CHD9: variants seen among roughly 807,000 people sequenced by gnomAD.
The protein encoded by CHD9 is chromodomain helicase DNA binding protein 9, also known as ATP-dependent chromatin remodeler CHD9.
A neutral mutation model predicts 316.1 loss-of-function variants in CHD9; 77 were observed. The observed-to-expected ratio is 0.24, with a 90% CI of 0.20 to 0.29. CHD9 has a LOEUF of 0.29. CHD9 is among the 10% of genes least tolerant of loss of function. CHD9 has a pLI of 1.00. For synonymous variants in CHD9, 1,129 were observed against 1,158.3 expected (o/e 0.97, Z 0.51); for missense variants, 2,763 against 3,438.1 (o/e 0.80, Z 4.91).
intron 29 of CHD9, among the ~76,000 whole-genome samples, chr16:53,294,386 G>A (rs1008101948): frequency 1.3e-5 from 2 of 152,134 alleles, no homozygotes; most frequent in East Asian, 1.9e-4. Context: ...CTCTGTAAAT[G>A]AACTGTTTTT....
chr16:53,109,805 C>T (rs971415863), intron 1 of CHD9, among the ~76,000 whole-genome samples: 17 of 150,964 alleles, frequency 1.1e-4, no homozygotes, highest in Non-Finnish European at 2.1e-4. Context: ...CTGCCTCAGC[C>T]TCCCGAGTAG....
At chr16:53,129,976 T>C (rs1304592113) in intron 1 of CHD9, among the ~76,000 whole-genome samples, 4 of 152,124 alleles carry the variant, frequency 2.6e-5, no homozygotes, top group Non-Finnish European at 4.4e-5. Flanking sequence ...ACCCAGGTTT[T>C]CCAGTACGCC....
intron 2 of CHD9, among the ~76,000 whole-genome samples, chr16:53,196,573 T>A (rs2044945691): frequency 6.6e-6 from 1 of 152,202 alleles, no homozygotes; most frequent in Non-Finnish European, 1.5e-5. Flanking sequence ...ACCTCATTTT[T>A]AAAAGCAGAA....
chr16:53,145,654 C>T (rs558472033), intron 1 of CHD9, among the ~76,000 whole-genome samples: 67 of 151,540 alleles, frequency 4.4e-4, no homozygotes, highest in African/African-American at 1.6e-3. Context: ...TGCAGTGAGC[C>T]GAGATTGCAC....
intron 2 of CHD9, among the ~76,000 whole-genome samples, chr16:53,170,266 T>TA (rs1237311003): frequency 6.6e-6 from 1 of 152,108 alleles, no homozygotes; most frequent in Non-Finnish European, 1.5e-5. Context: ...ATCAGTGTGT[T>TA]AAAAATCATT....
At chr16:53,228,297 A>G (rs2047830785) in intron 7 of CHD9, among the ~76,000 whole-genome samples, 1 of 152,166 alleles carries the variant, frequency 6.6e-6, no homozygotes, top group Admixed American at 6.5e-5. Flanking sequence ...TCTTAAGCCT[A>G]GGAGTCTGAA....
chr16:53,153,373 A>G (rs1651972873), intron 1 of CHD9, among the ~76,000 whole-genome samples: 1 of 152,214 alleles, frequency 6.6e-6, no homozygotes, highest in South Asian at 2.1e-4. Flanking sequence ...AGAAGAAAGA[A>G]TTACTGGGGC....
rs1460176615 is a variant in CHD9 at position 53,315,013 on chromosome 16, G to A, written c.7553G>A (p.Gly2518Asp). 3.7e-6 allele frequency: 6 copies of A among 1,613,616 alleles called. No homozygotes were observed. In the East Asian group the frequency reaches 1.1e-4, roughly 30 times the overall value. The stretch of plus-strand genomic sequence containing the variant: ...GAAAAATGGCTTAAGGAGCACCCGG[G>A]TTATGTGGAAGATTTGGGAGCTTTT... ...DLEKWLKEHP[G>D]YVEDLGAFIP... The change falls in exon 36 of 39, where the codon GGT (glycine) becomes GAT (aspartate). Residue 2518 changes from glycine (G) to aspartate (D), a missense_variant. Around this residue, in one of 15 missense-constraint regions of CHD9, gnomAD observed 663 missense variants for 751.2 expected, o/e 0.88. Coordinates refer to ENST00000447540, the MANE Select transcript of CHD9 (RefSeq NM_001308319.2).
At chr16:53,236,511 T>G (rs961625151) in intron 11 of CHD9, among the ~76,000 whole-genome samples, 1 of 152,048 alleles carries the variant, frequency 6.6e-6, no homozygotes, top group African/African-American at 2.4e-5. Context: ...CCCTGAAGAC[T>G]ATTGCCATCC....
intron 2 of CHD9, among the ~76,000 whole-genome samples, chr16:53,177,286 G>C (rs948729505): frequency 2.0e-5 from 3 of 152,118 alleles, no homozygotes; most frequent in Non-Finnish European, 4.4e-5. Context: ...AAGAAACTAG[G>C]TTCTAGGTAC....
chr16:53,183,622 T>A (rs1050929667), intron 2 of CHD9, among the ~76,000 whole-genome samples: 2 of 152,142 alleles, frequency 1.3e-5, no homozygotes, highest in African/African-American at 4.8e-5. Flanking sequence ...GGTTTAAAAC[T>A]CCTTTCTAAT....
chr16:53,073,838 C>T lies in CHD9; in HGVS notation c.-165+18761C>T, dbSNP rs1056353834. 2.0e-5 allele frequency among the ~76,000 whole-genome samples: 3 copies of T among 152,142 alleles called. No individual in the cohort carries two copies. In the East Asian group the frequency reaches 5.8e-4, roughly 29 times the overall value. Reference sequence around the variant, plus strand: ...CTTTTCTTCCTAGTCTCATGTATGTCTTTATCAGCAGTGTAAAAACAGACT... The same window carrying T: ...CTTTTCTTCCTAGTCTCATGTATGTTTTTATCAGCAGTGTAAAAACAGACT... On this transcript the variant is annotated intron_variant, in intron 1 of 38. Coordinates refer to ENST00000447540, the MANE Select transcript of CHD9 (RefSeq NM_001308319.2).
intron 1 of CHD9, among the ~76,000 whole-genome samples, chr16:53,145,921 TG>T (rs1305129725): frequency 6.6e-6 from 1 of 152,036 alleles, no homozygotes; most frequent in Non-Finnish European, 1.5e-5. Context: ...AGCTACAACA[TG>T]GAAGAACCTT....
At chr16:53,228,064 G>A (rs557632858) in intron 7 of CHD9, among the ~76,000 whole-genome samples, 10 of 150,740 alleles carry the variant, frequency 6.6e-5, no homozygotes, top group Middle Eastern at 3.2e-3. Context: ...CCAGCCTGGC[G>A]ACAGAGCGAG....
In CHD9 at chr16:53,235,325, TAAAA is replaced by T; in HGVS notation, c.2633+24_2633+27del. The stretch of plus-strand genomic sequence containing the variant: ...ACAATAGGTATGTAGTATATCTTAA[TAAAA>T]AAAATTTATTTTTTTAATGTGTGCC... On this transcript the variant is annotated intron_variant, in intron 11 of 38. Coordinates refer to ENST00000447540, the MANE Select transcript of CHD9 (RefSeq NM_001308319.2). 6.7e-7 allele frequency: 1 copy of T among 1,492,156 alleles called. No homozygotes were observed. The highest frequency in any genetic ancestry group is 9.0e-7 in the Non-Finnish European group (1 of 1,116,664). 92.4% of individuals were successfully genotyped at this position (1,492,156 alleles called of 1,614,324 possible).
chr16:53,139,362 C>T (rs887723454), intron 1 of CHD9, among the ~76,000 whole-genome samples: 7 of 152,012 alleles, frequency 4.6e-5, no homozygotes, highest in African/African-American at 1.7e-4. Context: ...TAATATTAAC[C>T]TTGTATTAAT....
chr16:53,168,511 T>C (rs2042435531), intron 2 of CHD9: 1 of 152,190 alleles, frequency 6.6e-6, no homozygotes, highest in Admixed American at 6.5e-5. Flanking sequence ...TAACCTCTAA[T>C]GTAGATAGCT....
At chr16:53,125,128 T>A (rs939689093) in intron 1 of CHD9, among the ~76,000 whole-genome samples, 4 of 152,238 alleles carry the variant, frequency 2.6e-5, no homozygotes, top group Admixed American at 6.5e-5. Context: ...TATGTCTTTG[T>A]TGTTTAGTTG....
Position 53,315,055 on chromosome 16 carries a change from C to T in CHD9, c.7584+11C>T, listed in dbSNP as rs1461479603. The T allele has an allele frequency of 6.4e-7, 1 of 1,569,704 alleles. No homozygotes were observed. Among genetic ancestry groups the T allele is most frequent in the Non-Finnish European group, 8.7e-7 (1 of 1,146,436 alleles). ...GGAGCTTTTATTCCTGTAGGTGACA[C>T]CTTAAAATTCTTGTTATATTTTATT... On this transcript the variant is annotated intron_variant, in intron 36 of 38. Coordinates refer to ENST00000447540, the MANE Select transcript of CHD9 (RefSeq NM_001308319.2).
Sources: allele counts gnomAD v4.1 joint callset (sites outside exome capture counted in the v4.1 genomes callset), GRCh38; gene constraint gnomAD v4.1.1; regional missense constraint gnomAD v4.1.1; transcripts MANE v1.5; gene names NCBI Gene and HGNC (gene_info 2026-07-23, HGNC 2026-07-21).